NRCAM: variants seen among roughly 807,000 people sequenced by gnomAD.
NRCAM encodes the protein NgCAM-related cell adhesion molecule.
A neutral mutation model predicts 156.5 loss-of-function variants in NRCAM; 83 were observed. That is an observed-to-expected ratio of 0.53 (90% CI 0.44 to 0.64). NRCAM has a LOEUF of 0.64. Ranked by LOEUF, NRCAM falls within the 30% of genes least tolerant of loss-of-function variation. The pLI is 0.00. For synonymous variants in NRCAM, 538 were observed against 563.9 expected (o/e 0.95, Z 0.65); for missense variants, 1,417 against 1,597.3 (o/e 0.89, Z 1.92).
rs188163445 is a variant in NRCAM at position 108,412,223 on chromosome 7, G to A, written c.-331-12630C>T. ...GCCAAAGTTTAGAGTGTAAGCCAAAGCATGAGCAACTTTCTAGATTGTTGT... is the reference window on the plus strand; with the variant it reads ...GCCAAAGTTTAGAGTGTAAGCCAAAACATGAGCAACTTTCTAGATTGTTGT... On this transcript the variant is annotated intron_variant, in intron 1 of 32. Transcript: ENST00000379028. Among the ~76,000 whole-genome samples the A allele has an allele frequency of 1.8e-3, 269 of 150,680 alleles. 4 individuals are homozygous for A. The highest frequency in any genetic ancestry group is 6.2e-3 in the African/African-American group (253 of 40,978).
At chr7:108,337,654 C>T (rs186601868) in intron 2 of NRCAM, among the ~76,000 whole-genome samples, 37 of 152,294 alleles carry the variant, frequency 2.4e-4, no homozygotes, top group South Asian at 1.0e-3. Flanking sequence ...TAACACTCAT[C>T]GCAAGGCCCA....
At chr7:108,350,607 G>T (rs1165500758) in intron 2 of NRCAM, among the ~76,000 whole-genome samples, 4 of 152,200 alleles carry the variant, frequency 2.6e-5, no homozygotes, top group African/African-American at 4.8e-5. Context: ...TCATTATTTT[G>T]CCCTGACTGT....
At chr7:108,414,112 T>C (rs936378367) in intron 1 of NRCAM, among the ~76,000 whole-genome samples, 2 of 152,192 alleles carry the variant, frequency 1.3e-5, no homozygotes, top group African/African-American at 4.8e-5. Flanking sequence ...GGTAACATAA[T>C]CTGAAAACAG....
At chr7:108,399,994 T>C (rs756473253) in intron 1 of NRCAM, among the ~76,000 whole-genome samples, 20 of 152,180 alleles carry the variant, frequency 1.3e-4, no homozygotes, top group Non-Finnish European at 2.5e-4. Context: ...CGGGGAAGAA[T>C]CTAATACAGA....
intron 10 of NRCAM, among the ~76,000 whole-genome samples, chr7:108,224,429 T>C (rs1428269187): frequency 6.6e-6 from 1 of 152,100 alleles, no homozygotes; most frequent in African/African-American, 2.4e-5. Context: ...AGAATAATGG[T>C]GGAGTTAAAT....
intron 3 of NRCAM, among the ~76,000 whole-genome samples, chr7:108,291,311 G>A (rs574536304): frequency 6.6e-4 from 100 of 152,126 alleles, no homozygotes; most frequent in African/African-American, 2.3e-3. Flanking sequence ...TATCTCAATG[G>A]GAAATAGAAT....
At chr7:108,163,860 T>C (rs10255685) in intron 30 of NRCAM, among the ~76,000 whole-genome samples, 4,581 of 6,738 alleles carry the variant, frequency 0.68, 1,745 homozygotes, top group East Asian at 0.82. Context: ...GAGGTCATAC[T>C]GGGTGGGGTG....
intron 2 of NRCAM, among the ~76,000 whole-genome samples, chr7:108,341,625 C>T (rs2099278189): frequency 6.6e-6 from 1 of 152,078 alleles, no homozygotes; most frequent in Non-Finnish European, 1.5e-5. Flanking sequence ...GAAGTCTGGG[C>T]AACAGAAGGA....
rs1409773116 is a variant in NRCAM at position 108,456,317 on chromosome 7, C to G, written c.-406G>C. On this transcript the variant is annotated 5_prime_UTR_variant, in exon 1 of 33. Transcript: ENST00000379028. ...CTGGACCGCCGGTGTCCTCCGTTCT[C>G]GACGAAGCTATCCCCTCTGGCTGCT... 2 of 152,254 alleles carry G rather than the reference C, an allele frequency of 1.3e-5. No individual in the cohort carries two copies. Among genetic ancestry groups the G allele is most frequent in the South Asian group, 4.1e-4 (2 of 4,834 alleles). The allele number at this position is 152,254 out of a possible 1,614,324, so 9.4% of individuals were successfully genotyped here. A position where few individuals can be genotyped will look rare whatever the true frequency, so the allele number is the denominator to read the frequency against.
intron 22 of NRCAM, among the ~76,000 whole-genome samples, chr7:108,183,709 G>A (rs1156260744): frequency 6.6e-6 from 1 of 152,030 alleles, no homozygotes; most frequent in Non-Finnish European, 1.5e-5. Context: ...GCTAATTTTT[G>A]TATTTTTAGT....
At chr7:108,167,468 T>TG (rs2055292992) in intron 29 of NRCAM, among the ~76,000 whole-genome samples, 1 of 152,196 alleles carries the variant, frequency 6.6e-6, no homozygotes, top group African/African-American at 2.4e-5. Context: ...TTTTTTATGA[T>TG]TCACAAGATG....
At chr7:108,395,057 A>G (rs1180894949) in intron 2 of NRCAM, among the ~76,000 whole-genome samples, 1 of 152,244 alleles carries the variant, frequency 6.6e-6, no homozygotes, top group Non-Finnish European at 1.5e-5. Context: ...ACTGGCAAGA[A>G]TGGTTTTATT....
At chr7:108,195,083 C>T (rs201823818) in intron 15 of NRCAM, among the ~76,000 whole-genome samples, 93 of 148,268 alleles carry the variant, frequency 6.3e-4, no homozygotes, top group African/African-American at 2.2e-3. Context: ...AGAACCCCCC[C>T]ACTATACCAC....
intron 2 of NRCAM, among the ~76,000 whole-genome samples, chr7:108,383,253 G>A (rs1227863183): frequency 6.6e-6 from 1 of 152,142 alleles, no homozygotes; most frequent in Admixed American, 6.6e-5. Context: ...ATTAAAGTGA[G>A]AATTGGGAGT....
intron 3 of NRCAM, among the ~76,000 whole-genome samples, chr7:108,272,997 G>A (rs2097427600): frequency 1.3e-5 from 2 of 152,240 alleles, no homozygotes; most frequent in South Asian, 4.1e-4. Context: ...AACATGTGGT[G>A]TTTGGTTTTC....
chr7:108,356,002 G>A (rs971716385), intron 2 of NRCAM, among the ~76,000 whole-genome samples: 1 of 150,992 alleles, frequency 6.6e-6, no homozygotes, highest in African/African-American at 2.4e-5. Context: ...AGGATGGAGT[G>A]TAGTGGCACC....
chr7:108,304,428 G>T (rs1380216907), intron 3 of NRCAM, among the ~76,000 whole-genome samples: 1 of 150,416 alleles, frequency 6.6e-6, no homozygotes, highest in Non-Finnish European at 1.5e-5. Context: ...TATATGAACA[G>T]TCAATTTATA....
At chr7:108,152,695 A>G (rs1021971800) in intron 32 of NRCAM, among the ~76,000 whole-genome samples, 2 of 152,270 alleles carry the variant, frequency 1.3e-5, no homozygotes, top group East Asian at 1.9e-4. Flanking sequence ...TGGCTGCTTT[A>G]GCACTACAAT....
chr7:108,256,597 G>A (rs947853190), intron 3 of NRCAM, among the ~76,000 whole-genome samples: 8 of 151,662 alleles, frequency 5.3e-5, no homozygotes, highest in African/African-American at 1.5e-4. Context: ...CCCCCTCTCC[G>A]AGAAACACCC....
Sources: allele counts gnomAD v4.1 joint callset (sites outside exome capture counted in the v4.1 genomes callset), GRCh38; gene constraint gnomAD v4.1.1; transcripts MANE v1.5; gene names NCBI Gene and HGNC (gene_info 2026-07-23, HGNC 2026-07-21).